Variants in MORF4L1 observed in about 807,000 individuals in gnomAD.
The protein encoded by MORF4L1 is mortality factor 4 like 1, also known as mortality factor 4-like protein 1.
Under a neutral mutation model 52.9 loss-of-function variants are expected in MORF4L1, and 4 were observed. The ratio of observed to expected loss-of-function variants is 0.08; its 90% CI spans 0.04 to 0.17. The LOEUF is 0.17. MORF4L1 is among the 10% of genes least tolerant of loss of function. The probability of loss-of-function intolerance (pLI) is 1.00; values close to 1 mark genes in which losing one functional copy is unlikely to be tolerated. For missense variants in MORF4L1, 214 were observed against 390.4 expected, an observed-to-expected ratio of 0.55 and a Z score of 3.81; for synonymous variants, 123 against 134.8, an observed-to-expected ratio of 0.91 and a Z score of 0.61.
intron 5 of MORF4L1, among the ~76,000 whole-genome samples, chr15:78,888,434 T>G (rs1159519852): frequency 1.3e-5 from 2 of 150,724 alleles, no homozygotes; most frequent in Admixed American, 6.6e-5. Flanking sequence ...CTGAGTGAGA[T>G]CCTGTCTTTT....
At chr15:78,893,721 A>G in intron 9 of MORF4L1, 94 bp downstream of exon 9, 2 of 834,706 alleles carry the variant, frequency 2.4e-6, no homozygotes, top group African/African-American at 1.7e-5. Context: ...CGAAACATTA[A>G]TACCACCAGA....
At chr15:78,886,637 C>G (rs1756180500) in intron 4 of MORF4L1, among the ~76,000 whole-genome samples, 1 of 152,094 alleles carries the variant, frequency 6.6e-6, no homozygotes, top group South Asian at 2.1e-4. Flanking sequence ...AGGGTAATCT[C>G]AAAGTTGAAA....
intron 4 of MORF4L1, 82 bp downstream of exon 4, chr15:78,886,309 G>GT (rs1372865152): frequency 1.6e-6 from 2 of 1,212,774 alleles, no homozygotes; most frequent in Non-Finnish European, 2.4e-6. Flanking sequence ...TGGAGATCAT[G>GT]TTGGCTGCCC....
At chr15:78,880,175 T>C (rs1450856411) in intron 2 of MORF4L1, among the ~76,000 whole-genome samples, 4 of 152,260 alleles carry the variant, frequency 2.6e-5, no homozygotes, top group African/African-American at 4.8e-5. Flanking sequence ...TTAAAGACTT[T>C]GCTTTAGAGG....
chr15:78,877,923 G>A lies in MORF4L1; in HGVS notation c.41-290G>A, dbSNP rs188239288. Reference sequence around the variant, plus strand: ...TAAAACCAACCAACCAACCAACCTCGACAGCTTTGCAGGAGAGTCCGCTTA... The same window carrying A: ...TAAAACCAACCAACCAACCAACCTCAACAGCTTTGCAGGAGAGTCCGCTTA... On this transcript the variant is annotated intron_variant, in intron 1 of 11. Coordinates refer to ENST00000426013, the MANE Select transcript of MORF4L1 (RefSeq NM_006791.4). The A allele has an allele frequency of 1.1e-3, 308 of 290,126 alleles. 11 individuals carry two copies. In the East Asian group the frequency reaches 0.018, roughly 17 times the overall value. The allele number at this position is 290,126 out of a possible 1,614,324, so 18.0% of individuals were successfully genotyped here. A position where few individuals can be genotyped will look rare whatever the true frequency, so the allele number is the denominator to read the frequency against.
chr15:78,891,431 T>C, intron 6 of MORF4L1, 53 bp from the exon 7 acceptor site: 1 of 1,335,282 alleles, frequency 7.5e-7, no homozygotes, highest in South Asian at 1.2e-5. Context: ...CTATTTTCCT[T>C]ATAGAGTTTG....
intron 1 of MORF4L1, chr15:78,876,577 G>C (rs908620019): frequency 1.1e-5 from 5 of 455,892 alleles, no homozygotes; most frequent in African/African-American, 2.0e-5. Context: ...CAGCCAAGGG[G>C]AGAAAAATGG....
At chr15:78,890,921 T>TAA (rs77272957) in intron 5 of MORF4L1, 68 bp from the exon 6 acceptor site, 168,558 of 1,326,692 alleles carry the variant, frequency 0.13, 11,453 homozygotes, top group East Asian at 0.27. Flanking sequence ...TTAACCCTGA[T>TAA]AAAGGGAGTT....
At chr15:78,890,701 G>C (rs1268215573) in intron 5 of MORF4L1, 1 of 200,238 alleles carries the variant, frequency 5.0e-6, no homozygotes, top group African/African-American at 2.4e-5. Flanking sequence ...AGGCTGGTCT[G>C]GAATTTTGAG....
intron 5 of MORF4L1, among the ~76,000 whole-genome samples, chr15:78,889,029 T>C (rs1450897210): frequency 6.6e-6 from 1 of 152,258 alleles, no homozygotes; most frequent in African/African-American, 2.4e-5. Flanking sequence ...TCTTTATCAC[T>C]GTGCTAAGTT....
chr15:78,881,697 G>T (rs1334123884), intron 3 of MORF4L1, among the ~76,000 whole-genome samples: 2 of 152,176 alleles, frequency 1.3e-5, no homozygotes, highest in African/African-American at 4.8e-5. Flanking sequence ...GTAATGAAAA[G>T]ACTTGTAATT....
At chr15:78,882,306 T>C (rs1294541555) in intron 3 of MORF4L1, among the ~76,000 whole-genome samples, 4 of 152,120 alleles carry the variant, frequency 2.6e-5, no homozygotes, top group Non-Finnish European at 4.4e-5. Flanking sequence ...CAGAGCAAGA[T>C]CTGGACTCCT....
chr15:78,884,984 G>C, intron 3 of MORF4L1: 2 of 1,613,974 alleles, frequency 1.2e-6, no homozygotes, highest in South Asian at 2.2e-5. Context: ...GTGAGGCCCA[G>C]GCGCTCTGAA....
Position 78,894,183 on chromosome 15 carries a change from C to T in MORF4L1, c.755C>T (p.Ala252Val). The T allele has an allele frequency of 1.2e-6, 2 of 1,613,922 alleles. No individual in the cohort carries two copies. The highest frequency in any genetic ancestry group is 8.5e-7 in the Non-Finnish European group (1 of 1,179,930). Residue 252 changes from alanine (A) to valine (V), a missense_variant, in exon 10 of 12, where the codon GCA becomes GTA. Ala to Val is a moderately conservative substitution (Grantham distance 64). This residue lies in a region of MORF4L1 where 68 missense variants were observed against 171.6 expected (regional missense o/e 0.40). Coordinates refer to ENST00000426013, the MANE Select transcript of MORF4L1 (RefSeq NM_006791.4). ...YAEILADHPD[A>V]PMSQVYGAPH... Reference sequence around the variant, plus strand: ...GAAATTCTTGCAGATCATCCCGATGCACCCATGTCCCAGGTGTATGGAGCG... The same window carrying T: ...GAAATTCTTGCAGATCATCCCGATGTACCCATGTCCCAGGTGTATGGAGCG...
chr15:78,880,408 A>G, intron 2 of MORF4L1, 104 bp from the exon 3 acceptor site: 2 of 767,840 alleles, frequency 2.6e-6, no homozygotes, highest in Non-Finnish European at 4.3e-6. Context: ...CATTCTGTTT[A>G]GGCCACCATA....
intron 3 of MORF4L1, among the ~76,000 whole-genome samples, chr15:78,881,457 A>G (rs1349333455): frequency 6.6e-6 from 1 of 151,214 alleles, no homozygotes; most frequent in Non-Finnish European, 1.5e-5. Flanking sequence ...CGGCCTCCCA[A>G]AGTGCTGGGA....
Position 78,894,359 on chromosome 15 carries a change from A to G in MORF4L1, c.802+129A>G, listed in dbSNP as rs1843309719. 5.9e-6 allele frequency: 4 copies of G among 677,704 alleles called. No individual in the cohort carries two copies. The South Asian group carries it at 1.3e-4, about 21-fold the overall frequency. The allele number at this position is 677,704 out of a possible 1,614,324, so 42.0% of individuals were successfully genotyped here. A position where few individuals can be genotyped will look rare whatever the true frequency, so the allele number is the denominator to read the frequency against. On this transcript the variant is annotated intron_variant, in intron 10 of 11. Coordinates refer to ENST00000426013, the MANE Select transcript of MORF4L1 (RefSeq NM_006791.4). ...AATTTGAACTTTTATCTAGAATGTT[A>G]AATAGCAAAATCTCTTTAGGAGCAA... is the stretch of plus-strand genomic sequence containing the variant.
chr15:78,879,609 AC>A (rs2056563032), intron 2 of MORF4L1, among the ~76,000 whole-genome samples: 1 of 152,180 alleles, frequency 6.6e-6, no homozygotes, highest in Non-Finnish European at 1.5e-5. Context: ...ATACGTACAT[AC>A]ATCTTAATGA....
At chr15:78,891,985 T>G (rs976829581) in intron 7 of MORF4L1, among the ~76,000 whole-genome samples, 1 of 152,224 alleles carries the variant, frequency 6.6e-6, no homozygotes, top group Non-Finnish European at 1.5e-5. Context: ...AATTTTTACC[T>G]TTACAAGAAA....
Sources: gnomAD v4.1 joint callset for allele counts (sites outside exome capture counted in the v4.1 genomes callset) on GRCh38, gnomAD v4.1.1 for gene constraint, gnomAD v4.1.1 regional missense constraint, MANE v1.5 for transcripts, NCBI Gene and HGNC (gene_info 2026-07-23, HGNC 2026-07-21) for gene names.